Variants in ABLIM1 observed in about 807,000 individuals in gnomAD.
ABLIM1 encodes the protein actin-binding LIM protein 1.
A neutral mutation model predicts 107.0 loss-of-function variants in ABLIM1; 40 were observed. The observed-to-expected ratio is 0.37, with a 90% CI of 0.29 to 0.49. The LOEUF (loss-of-function observed/expected upper bound fraction) is 0.49. ABLIM1 is among the 20% of genes least tolerant of loss of function. ABLIM1 has a pLI of 0.97. For synonymous variants in ABLIM1, 357 were observed against 357.3 expected, an observed-to-expected ratio of 1.00 and a Z score of 0.01; for missense variants, 857 against 1,008.5, an observed-to-expected ratio of 0.85 and a Z score of 2.04.
chr10:114,715,936 A>AAGAGTTAGG (rs2081650424), intron 1 of ABLIM1, among the ~76,000 whole-genome samples: 3 of 152,220 alleles, frequency 2.0e-5, no homozygotes, highest in Non-Finnish European at 4.4e-5. Context: ...ACACTGCCCT[A>AAGAGTTAGG]GACATTTGTC....
intron 1 of ABLIM1, among the ~76,000 whole-genome samples, chr10:114,695,889 G>A (rs531013260): frequency 6.6e-5 from 10 of 152,290 alleles, no homozygotes; most frequent in Admixed American, 3.3e-4. Context: ...GGAAAACAGA[G>A]TTTCCAGACT....
chr10:114,745,221 C>G (rs1197300511), intron 1 of ABLIM1, among the ~76,000 whole-genome samples: 1 of 152,210 alleles, frequency 6.6e-6, no homozygotes, highest in Admixed American at 6.6e-5. Context: ...AACTACAATG[C>G]TATCCTGCCT....
chr10:114,732,640 T>G (rs947826223), intron 1 of ABLIM1, among the ~76,000 whole-genome samples: 4 of 152,344 alleles, frequency 2.6e-5, no homozygotes, highest in Non-Finnish European at 5.9e-5. Flanking sequence ...TAGTCCAAAG[T>G]CATAAAGATT....
chr10:114,715,525 G>A (rs569918426), intron 1 of ABLIM1, among the ~76,000 whole-genome samples: 2 of 152,142 alleles, frequency 1.3e-5, no homozygotes, highest in African/African-American at 4.8e-5. Flanking sequence ...CCTGATAAGC[G>A]ATCCAGGCTA....
chr10:114,633,963 C>T, intron 1 of ABLIM1, among the ~76,000 whole-genome samples: 1 of 152,002 alleles, frequency 6.6e-6, no homozygotes, highest in African/African-American at 2.4e-5. Flanking sequence ...CAGCCCAAAG[C>T]TAAGGAAGCA....
At position 114,762,958 on chromosome 10, in the gene ABLIM1, G is replaced by A. The variant is rs184223272; in HGVS notation, c.-213+5103C>T. 7.2e-5 allele frequency among the ~76,000 whole-genome samples: 11 copies of A among 152,254 alleles called. No individual in the cohort carries two copies. The East Asian group carries it at 1.2e-3, about 16-fold the overall frequency. On this transcript the variant is annotated intron_variant, in intron 1 of 15. Transcript: ENST00000651092. ...TTGCTTCCAGTTTTGTGGAAGTTCC[G>A]AAAACAACGTTAGCAAAACTGGTCT... is the stretch of plus-strand genomic sequence containing the variant.
At chr10:114,769,172 GAAAAAAAAAAAAA>G (rs35691537), upstream of ABLIM1, among the ~76,000 whole-genome samples, 8 of 46,522 alleles carry the variant, frequency 1.7e-4, no homozygotes, top group East Asian at 8.9e-4. Flanking sequence ...TGTCTTCAAT[GAAAAAAAAAAAAA>G]AAAAAAAAAA....
intron 14 of ABLIM1, among the ~76,000 whole-genome samples, chr10:114,450,843 C>T (rs10510002): frequency 0.015 from 2,352 of 152,200 alleles, 106 homozygotes; most frequent in East Asian, 0.15. Flanking sequence ...CTGAAAACGC[C>T]TGAAGACCAG....
intron 1 of ABLIM1, among the ~76,000 whole-genome samples, chr10:114,712,353 G>GAAAAAAAAAAAA (rs10583793): frequency 2.3e-5 from 1 of 44,086 alleles, no homozygotes; most frequent in South Asian, 1.1e-3. Flanking sequence ...ACTCCGTCTC[G>GAAAAAAAAAAAA]AAAAAAAAAA....
Position 114,560,755 on chromosome 10 carries a change from T to C in ABLIM1, c.673+10542A>G, listed in dbSNP as rs572198199. 2.6e-5 allele frequency among the ~76,000 whole-genome samples: 4 copies of C among 152,212 alleles called. No individual in the cohort carries two copies. In the South Asian group the frequency reaches 8.3e-4, roughly 32 times the overall value. On this transcript the variant is annotated intron_variant, in intron 4 of 22. Transcript: ENST00000533213. ...ACTGGATCAACCTTAAAAATCATGA[T>C]ACTAAATAAAGAAGCCAGACACAAA...
rs59713925 is a variant in ABLIM1 at position 114,730,397 on chromosome 10, C to CAAAAAAAAA, written c.-213+37655_-213+37663dup. ...TGGTCAACAGTGTGAAACTCCATCTCAAAAAAAAAAAAAAAAAAAAAAGAA... is the reference window on the plus strand; with the variant it reads ...TGGTCAACAGTGTGAAACTCCATCTCAAAAAAAAAAAAAAAAAAAAAAAAAAAAAAAGAA... On this transcript the variant is annotated intron_variant, in intron 1 of 15. Coordinates refer to the ABLIM1 transcript ENST00000651092. Among the ~76,000 whole-genome samples, 2 of 73,142 alleles carry CAAAAAAAAA rather than the reference C, an allele frequency of 2.7e-5. 1 individual carries two copies. The allele number at this position is 73,142 out of a possible 152,430, so 48.0% of individuals were successfully genotyped here. A position where few individuals can be genotyped will look rare whatever the true frequency, so the allele number is the denominator to read the frequency against.
At chr10:114,777,574 C>T in the ABLIM1 span, among the ~76,000 whole-genome samples, 11 of 152,206 alleles carry the variant, frequency 7.2e-5, no homozygotes, top group African/African-American at 2.7e-4. Flanking sequence ...CCTAGTGGGA[C>T]TTTGTCTCTT....
chr10:114,526,582 T>G (rs983838659), intron 6 of ABLIM1: 12 of 979,978 alleles, frequency 1.2e-5, no homozygotes, highest in African/African-American at 1.8e-5. Flanking sequence ...GCCTCCGACC[T>G]CACGAAGGAA....
chr10:114,598,599 C>CAAAACA (rs1566055468), intron 2 of ABLIM1, among the ~76,000 whole-genome samples: 1 of 15,256 alleles, frequency 6.6e-5, no homozygotes, highest in African/African-American at 3.7e-4. Flanking sequence ...ACAAACAAAA[C>CAAAACA]AAAATAAAAA....
At chr10:114,750,614 T>C (rs2082489896) in intron 1 of ABLIM1, among the ~76,000 whole-genome samples, 1 of 152,234 alleles carries the variant, frequency 6.6e-6, no homozygotes, top group Admixed American at 6.5e-5. Context: ...CAATTCCCTA[T>C]AAAACATCTT....
chr10:114,519,630 T>C (rs1275247651), intron 6 of ABLIM1, among the ~76,000 whole-genome samples: 1 of 152,160 alleles, frequency 6.6e-6, no homozygotes, highest in Non-Finnish European at 1.5e-5. Flanking sequence ...GAAGTTGTAT[T>C]AAAAGGGCAA....
chr10:114,700,796 G>T (rs2081293696), intron 1 of ABLIM1, among the ~76,000 whole-genome samples: 4 of 151,892 alleles, frequency 2.6e-5, no homozygotes, highest in Admixed American at 2.6e-4. Flanking sequence ...TATTTTGAGA[G>T]GAATCATAGA....
chr10:114,574,988 G>C (rs1033028490), intron 3 of ABLIM1, among the ~76,000 whole-genome samples: 2 of 152,140 alleles, frequency 1.3e-5, no homozygotes, highest in Non-Finnish European at 2.9e-5. Context: ...CACAAAAACA[G>C]GTATCAGGCC....
chr10:114,468,274 T>TTTGA (rs2065627806), intron 10 of ABLIM1, 58 bp from the exon 11 acceptor site: 2 of 1,492,728 alleles, frequency 1.3e-6, no homozygotes, highest in African/African-American at 2.8e-5. Flanking sequence ...TGCCGTTTTG[T>TTTGA]TTGTTTGTTT....
Sources: gnomAD v4.1 joint callset for allele counts (sites outside exome capture counted in the v4.1 genomes callset) on GRCh38, gnomAD v4.1.1 for gene constraint, MANE v1.5 for transcripts, NCBI Gene and HGNC (gene_info 2026-07-23, HGNC 2026-07-21) for gene names.